THSD7B: variants seen among roughly 807,000 people sequenced by gnomAD.
THSD7B encodes the protein thrombospondin type 1 domain containing 7B, also known as thrombospondin type-1 domain-containing protein 7B.
In THSD7B, 138 loss-of-function variants were observed where a neutral mutation model predicts 213.6. The ratio of observed to expected loss-of-function variants is 0.65; its 90% CI spans 0.56 to 0.74. The LOEUF is 0.74. Ranked by LOEUF, THSD7B falls within the 30% of genes least tolerant of loss-of-function variation. THSD7B has a pLI of 0.00. For missense variants in THSD7B, 1,931 were observed against 1,991.5 expected (o/e 0.97, Z 0.58); for synonymous variants, 742 against 687.0 (o/e 1.08, Z -1.25).
At chr2:137,597,265 A>C (rs1573733755) in intron 17 of THSD7B, among the ~76,000 whole-genome samples, 1 of 152,030 alleles carries the variant, frequency 6.6e-6, no homozygotes, top group African/African-American at 2.4e-5. Context: ...CTGTATAGTT[A>C]GCTTATGATT....
chr2:137,030,381 A>G (rs1318471715), intron 2 of THSD7B, among the ~76,000 whole-genome samples: 1 of 152,206 alleles, frequency 6.6e-6, no homozygotes, highest in Non-Finnish European at 1.5e-5. Flanking sequence ...TATTAGTAAG[A>G]AGTAAGAACG....
At chr2:136,951,216 G>T (rs1340699056) in intron 2 of THSD7B, among the ~76,000 whole-genome samples, 2 of 152,090 alleles carry the variant, frequency 1.3e-5, no homozygotes, top group African/African-American at 4.8e-5. Flanking sequence ...GCCTTTGAGA[G>T]ATAGCTTTAT....
In THSD7B at chr2:136,978,941, C is replaced by A. The variant is rs568782208; in HGVS notation, c.140-77479C>A. On this transcript the variant is annotated intron_variant, in intron 2 of 27. Transcript: ENST00000409968. ...AGTGGTTGGTATAGGCTTTTTCTTT[C>A]CATATTCATTGCTTTCTTCAGGAGC... Among the ~76,000 whole-genome samples the A allele has an allele frequency of 4.1e-5, 6 of 147,890 alleles. No homozygotes were observed. The South Asian group carries it at 1.3e-3, about 32-fold the overall frequency.
intron 15 of THSD7B, among the ~76,000 whole-genome samples, chr2:137,466,494 T>A (rs1054089772): frequency 5.3e-5 from 8 of 152,090 alleles, no homozygotes; most frequent in African/African-American, 1.7e-4. Context: ...GGTTTTTTTT[T>A]ATGATTTTTT....
At chr2:137,010,792 C>T (rs1305255474) in intron 2 of THSD7B, among the ~76,000 whole-genome samples, 2 of 152,176 alleles carry the variant, frequency 1.3e-5, no homozygotes, top group African/African-American at 4.8e-5. Context: ...TTCCTGCCCT[C>T]ATGTAGCTTG....
intron 14 of THSD7B, among the ~76,000 whole-genome samples, chr2:137,424,485 A>C (rs1686996645): frequency 6.6e-6 from 1 of 152,168 alleles, no homozygotes; most frequent in Admixed American, 6.5e-5. Flanking sequence ...TCCTCAACAA[A>C]ATTTTAGCAA....
intron 12 of THSD7B, among the ~76,000 whole-genome samples, chr2:137,348,703 C>CTTTTTTTTTTTTTT (rs80150345): frequency 9.2e-4 from 102 of 110,892 alleles, no homozygotes; most frequent in Non-Finnish European, 1.3e-3. Context: ...CTATGAACTC[C>CTTTTTTTTTTTTTT]TTTTTTTTTT....
intron 1 of THSD7B, among the ~76,000 whole-genome samples, chr2:136,833,104 G>A (rs1187165200): frequency 1.3e-5 from 2 of 152,046 alleles, no homozygotes; most frequent in South Asian, 2.1e-4. Flanking sequence ...GGTGGCTCAC[G>A]TCTGTAATGC....
chr2:137,238,152 C>G (rs1681809992), intron 9 of THSD7B, among the ~76,000 whole-genome samples: 1 of 152,174 alleles, frequency 6.6e-6, no homozygotes, highest in Non-Finnish European at 1.5e-5. Flanking sequence ...TTAATGCCTA[C>G]TCCTAATTGA....
At chr2:137,147,904 C>T (rs1679735258) in intron 5 of THSD7B, among the ~76,000 whole-genome samples, 1 of 152,200 alleles carries the variant, frequency 6.6e-6, no homozygotes, top group South Asian at 2.1e-4. Flanking sequence ...AATTCTTGAT[C>T]ATTTGCCTTA....
chr2:136,946,724 G>A (rs973847866), intron 2 of THSD7B, among the ~76,000 whole-genome samples: 2 of 152,154 alleles, frequency 1.3e-5, no homozygotes, highest in African/African-American at 4.8e-5. Context: ...CTGCTGCCTC[G>A]CAGGTTGATC....
chr2:137,565,529 T>C (rs1047044087), intron 16 of THSD7B, among the ~76,000 whole-genome samples: 4 of 152,268 alleles, frequency 2.6e-5, no homozygotes, highest in African/African-American at 9.6e-5. Context: ...TCATAAGGGT[T>C]CCACCTTCAA....
chr2:136,976,779 G>A (rs568032097), intron 2 of THSD7B, among the ~76,000 whole-genome samples: 37 of 152,068 alleles, frequency 2.4e-4, no homozygotes, highest in African/African-American at 8.7e-4. Flanking sequence ...CTGCCACCAC[G>A]CCTGGCTAAT....
At chr2:136,888,732 A>G (rs1225954309) in intron 2 of THSD7B, among the ~76,000 whole-genome samples, 2 of 152,142 alleles carry the variant, frequency 1.3e-5, no homozygotes, top group Non-Finnish European at 2.9e-5. Context: ...TCAGAAAAAC[A>G]TCCATCTTAC....
intron 1 of THSD7B, among the ~76,000 whole-genome samples, chr2:136,844,053 C>T (rs948369968): frequency 6.6e-6 from 1 of 152,120 alleles, no homozygotes; most frequent in Non-Finnish European, 1.5e-5. Flanking sequence ...GTTCTTCCAA[C>T]CCCCTTTAGG....
chr2:137,642,050 G>T (rs1391534414), intron 20 of THSD7B, among the ~76,000 whole-genome samples: 2 of 152,018 alleles, frequency 1.3e-5, no homozygotes, highest in African/African-American at 4.8e-5. Context: ...TCACTATTTT[G>T]GTTTAATATT....
intron 15 of THSD7B, among the ~76,000 whole-genome samples, chr2:137,526,562 C>T (rs1558827550): frequency 2.0e-5 from 3 of 151,926 alleles, no homozygotes; most frequent in African/African-American, 2.4e-5. Flanking sequence ...GCTGGGGCCA[C>T]AGGTGCGTAC....
At chr2:136,893,648 A>C (rs1238739775) in intron 2 of THSD7B, among the ~76,000 whole-genome samples, 1 of 152,186 alleles carries the variant, frequency 6.6e-6, no homozygotes, top group Non-Finnish European at 1.5e-5. Context: ...CATAAACCAC[A>C]GTCAATTTTT....
At chr2:137,206,858 C>A (rs1680994760) in intron 7 of THSD7B, among the ~76,000 whole-genome samples, 3 of 151,912 alleles carry the variant, frequency 2.0e-5, no homozygotes, top group Non-Finnish European at 4.4e-5. Context: ...ATGGTTGGAG[C>A]TGTGAATACA....
Sources: allele counts gnomAD v4.1 joint callset (sites outside exome capture counted in the v4.1 genomes callset), GRCh38; gene constraint gnomAD v4.1.1; transcripts MANE v1.5; gene names NCBI Gene and HGNC (gene_info 2026-07-23, HGNC 2026-07-21).